The following PEX1 variants were observed in gnomAD, a reference collection of about 807,000 sequenced individuals.
The protein encoded by PEX1 is peroxisomal ATPase PEX1.
PEX1 carries 97 observed loss-of-function variants against 152.5 expected under a neutral mutation model. That is an observed-to-expected ratio of 0.64 (90% CI 0.54 to 0.75). PEX1 has a LOEUF of 0.75. Among genes scored for constraint, PEX1 ranks in the 30% least tolerant of loss-of-function variants. The pLI, the probability that PEX1 is intolerant of heterozygous loss-of-function variation, is 0.00. For missense variants in PEX1, 1,357 were observed against 1,516.3 expected (o/e 0.89, Z 1.74); for synonymous variants, 485 against 531.6 (o/e 0.91, Z 1.21).
In PEX1 at chr7:92,509,585, T is replaced by G. The variant is rs570064273; in HGVS notation, c.1588-174A>C. On this transcript the variant is annotated intron_variant, in intron 8 of 23. Coordinates refer to ENST00000248633, the MANE Select transcript of PEX1 (RefSeq NM_000466.3). ...TAACAATGTACCCATCCAGGGAATATAAATATTTATGGTCAACAAGCAGAA... is the reference window on the plus strand; with the variant it reads ...TAACAATGTACCCATCCAGGGAATAGAAATATTTATGGTCAACAAGCAGAA... Among the ~76,000 whole-genome samples, 70 of 152,298 alleles carry G rather than the reference T, an allele frequency of 4.6e-4. 1 individual carries two copies. The highest frequency in any genetic ancestry group is 4.6e-3 in the Admixed American group (70 of 15,296).
At chr7:92,493,422 C>T (rs763344668) in intron 19 of PEX1, 1 of 181,612 alleles carries the variant, frequency 5.5e-6, no homozygotes, top group Non-Finnish European at 1.1e-5. Context: ...ATCACTTGAG[C>T]CCTGGAGTTC....
chr7:92,487,613 G>T, intron 23 of PEX1, 72 bp from the exon 24 acceptor site: 1 of 651,448 alleles, frequency 1.5e-6, no homozygotes, highest in Non-Finnish European at 2.7e-6. Flanking sequence ...TGGATTGTTG[G>T]CAAACACAAT....
At chr7:92,492,629 TACAA>T (rs971651323) in intron 20 of PEX1, among the ~76,000 whole-genome samples, 15 of 152,358 alleles carry the variant, frequency 9.8e-5, no homozygotes, top group Admixed American at 3.3e-4. Context: ...AAAGTTAAAG[TACAA>T]ACAAACAAAA....
chr7:92,512,485 T>C (rs751571433), intron 6 of PEX1, among the ~76,000 whole-genome samples: 9 of 151,582 alleles, frequency 5.9e-5, no homozygotes, highest in Admixed American at 3.3e-4. Flanking sequence ...ACCACATGTG[T>C]CTAATTTTTA....
chr7:92,502,924 A>C (rs1194826422), intron 13 of PEX1, 117 bp downstream of exon 13: 1 of 869,974 alleles, frequency 1.1e-6, no homozygotes, highest in Non-Finnish European at 1.9e-6. Context: ...GTTGACTTAC[A>C]TATCCTTAAA....
chr7:92,528,268 C>T (rs1270695437), intron 1 of PEX1, 39 bp downstream of exon 1: 7 of 1,547,240 alleles, frequency 4.5e-6, no homozygotes, highest in African/African-American at 2.7e-5. Context: ...TCGTCCGACC[C>T]CAGGCTGAAG....
chr7:92,490,293 C>T (rs551942063), intron 21 of PEX1: 16 of 242,562 alleles, frequency 6.6e-5, no homozygotes, highest in African/African-American at 3.7e-4. Context: ...AATTAAACCA[C>T]CACCTTACTG....
intron 18 of PEX1, 23 bp downstream of exon 18, chr7:92,494,464 A>T: frequency 1.2e-6 from 2 of 1,612,606 alleles, no homozygotes. Context: ...ATAACATTCT[A>T]TTTCTGTATT....
Position 92,517,737 on chromosome 7 carries a change from T to G in PEX1, c.778A>C (p.Lys260Gln), listed in dbSNP as rs1792865258. 4.4e-6 allele frequency: 7 copies of G among 1,608,946 alleles called. No individual in the cohort carries two copies. The highest frequency in any genetic ancestry group is 5.9e-6 in the Non-Finnish European group (7 of 1,176,922). ...GTTAAACCCCAAGATGTCTCTTGTT[T>G]CTTCTCAGATTGAAAGGAAAAAATG... ...GSIFSFQSEK[K>Q]QETSWGLTEI... is the part of the protein sequence containing the mutation. The change falls in exon 5 of 24, where the codon AAA becomes CAA. Residue 260 changes from lysine to glutamine, a missense_variant. Coordinates refer to ENST00000248633, the MANE Select transcript of PEX1 (RefSeq NM_000466.3).
Position 92,493,083 on chromosome 7 carries a change from A to G in PEX1, c.3077T>C (p.Leu1026Pro), listed in dbSNP as rs954814470. Reference protein sequence around the residue: ...ILNVLSDSLPLADDVDLQHVA... With the variant: ...ILNVLSDSLPPADDVDLQHVA... ...ATGCTGAAGGTCAACATCATCTGCC[A>G]GAGGTAGAGAGTCACTGAGGACATT... The change falls in exon 20 of 24, where the codon CTG becomes CCG. Residue 1026 changes from leucine (L) to proline (P), a missense_variant. Physicochemically the swap from Leu to Pro is moderately conservative, Grantham distance 98. Coordinates refer to ENST00000248633, the MANE Select transcript of PEX1 (RefSeq NM_000466.3). 2 of 1,612,502 alleles carry G rather than the reference A, an allele frequency of 1.2e-6. No homozygotes were observed. Among genetic ancestry groups the G allele is most frequent in the Non-Finnish European group, 8.5e-7 (1 of 1,178,572 alleles).
At chr7:92,510,836 G>A (rs1792426839) in intron 8 of PEX1, 108 bp downstream of exon 8, 1 of 644,950 alleles carries the variant, frequency 1.6e-6, no homozygotes, top group Non-Finnish European at 2.8e-6. Flanking sequence ...CTCTTAGCAG[G>A]TTTTTAATAC....
Position 92,528,365 on chromosome 7 carries a change from G to T in PEX1, c.71C>A (p.Ala24Asp). 6.3e-7 allele frequency: 1 copy of T among 1,588,090 alleles called. No individual in the cohort carries two copies. Among genetic ancestry groups the T allele is most frequent in the South Asian group, 1.1e-5 (1 of 87,936 alleles). ...CGGCAGGTGGAGGAAGCAGTCGCGA[G>T]CGTTGGTGAAGGCCACAGTCACTGC... ...GAAVTVAFTN[A>D]RDCFLHLPRR... Residue 24 changes from alanine to aspartate, a missense_variant, in exon 1 of 24, where the codon GCT becomes GAT. By Grantham distance (126) the Ala-to-Asp change is moderately radical. Coordinates refer to ENST00000248633, the MANE Select transcript of PEX1 (RefSeq NM_000466.3).
At position 92,489,800 on chromosome 7, in the gene PEX1, C is replaced by A; in HGVS notation, c.3550G>T (p.Gly1184Cys). The A allele has an allele frequency of 6.2e-7, 1 of 1,613,986 alleles. No homozygotes were observed. Among genetic ancestry groups the A allele is most frequent in the Non-Finnish European group, 8.5e-7 (1 of 1,179,942 alleles). The change falls in exon 22 of 24, where the codon GGT (glycine) becomes TGT (cysteine). Residue 1184 changes from glycine to cysteine, a missense_variant. Transcript: ENST00000248633. ...PPVLRTASQEGCQELTQEQRD... is the reference protein window; with the variant it reads ...PPVLRTASQECCQELTQEQRD... ...TGTTCTTGTGTAAGTTCTTGGCAAC[C>A]CTCTTGTGAAGCTGTCCTTAACACT...
Position 92,489,916 on chromosome 7 carries a change from ATGGTAAATTG to A in PEX1, c.3439-15_3439-6del. The A allele has an allele frequency of 6.2e-7, 1 of 1,612,238 alleles. No individual in the cohort carries two copies. Among genetic ancestry groups the A allele is most frequent in the Non-Finnish European group, 8.5e-7 (1 of 1,178,432 alleles). ...TGCAGAGAGACATTGTGAGCTCTGCATGGTAAATTGTAGTAATGAAAGATGGAAGGAAGAG... is the reference window on the plus strand; with the variant it reads ...TGCAGAGAGACATTGTGAGCTCTGCATAGTAATGAAAGATGGAAGGAAGAG... On this transcript the variant is annotated splice_region_variant and splice_polypyrimidine_tract_variant and intron_variant, in intron 21 of 23. Coordinates refer to ENST00000248633, the MANE Select transcript of PEX1 (RefSeq NM_000466.3).
chr7:92,510,975 C>T lies in PEX1; in HGVS notation c.1556G>A (p.Ser519Asn). Residue 519 changes from serine to asparagine, a missense_variant, in exon 8 of 24, where the codon AGT becomes AAT. Physicochemically the swap from Ser to Asn is conservative, Grantham distance 46. Coordinates refer to ENST00000248633, the MANE Select transcript of PEX1 (RefSeq NM_000466.3). ...TGTAGTCTTCTGCAGCAAATTGGGA[C>T]TCAACAGAAAAATATTTTTATCTTT... ...KEKDKNIFLL[S>N]PNLLQKTTIQ... The T allele has an allele frequency of 5.1e-6, 8 of 1,573,142 alleles. No homozygotes were observed. The highest frequency in any genetic ancestry group is 7.0e-6 in the Non-Finnish European group (8 of 1,143,564).
intron 9 of PEX1, 101 bp downstream of exon 9, chr7:92,509,228 C>T (rs1276581860): frequency 6.4e-6 from 5 of 776,530 alleles, no homozygotes; most frequent in African/African-American, 1.7e-5. Context: ...ATTAAGATCA[C>T]TTATTGACAT....
intron 5 of PEX1, among the ~76,000 whole-genome samples, chr7:92,516,246 T>C (rs1262934134): frequency 6.6e-6 from 1 of 151,546 alleles, no homozygotes; most frequent in Non-Finnish European, 1.5e-5. Context: ...GCTAACATGG[T>C]GAAACCCAGT....
intron 5 of PEX1, among the ~76,000 whole-genome samples, chr7:92,515,567 T>C (rs1792700013): frequency 6.6e-5 from 10 of 152,226 alleles, no homozygotes; most frequent in Admixed American, 6.5e-4. Flanking sequence ...GTTCTCACCA[T>C]ATAATTTCAA....
In PEX1 at chr7:92,496,865, A is replaced by G. The variant is rs752696014; in HGVS notation, c.2719-88T>C. On this transcript the variant is annotated intron_variant, in intron 16 of 23. Transcript: ENST00000248633. ...GACTAAGTCTAAATGAATCATGGAA[A>G]TCTTTAATATGATTAAATGGATGTC... 7.2e-5 allele frequency: 59 copies of G among 815,896 alleles called. No individual in the cohort carries two copies. The Middle Eastern group carries it at 1.9e-3, about 26-fold the overall frequency. 50.5% of individuals were successfully genotyped at this position (815,896 alleles called of 1,614,324 possible).
Sources: gnomAD v4.1 joint callset for allele counts (sites outside exome capture counted in the v4.1 genomes callset) on GRCh38, gnomAD v4.1.1 for gene constraint, MANE v1.5 for transcripts, NCBI Gene and HGNC (gene_info 2026-07-23, HGNC 2026-07-21) for gene names.